DLG2: variants seen among roughly 807,000 people sequenced by gnomAD.
The protein encoded by DLG2 is discs large MAGUK scaffold protein 2.
DLG2 carries 45 observed loss-of-function variants against 132.5 expected under a neutral mutation model. That is an observed-to-expected ratio of 0.34 (90% CI 0.27 to 0.44). The LOEUF (loss-of-function observed/expected upper bound fraction) is 0.44, where lower values mean the gene tolerates loss of function less well. Ranked by LOEUF, DLG2 falls within the 20% of genes least tolerant of loss-of-function variation. The pLI is 1.00. For missense variants in DLG2, 1,045 were observed against 1,196.9 expected, an observed-to-expected ratio of 0.87 and a Z score of 1.87; for synonymous variants, 424 against 419.6, an observed-to-expected ratio of 1.01 and a Z score of -0.13.
intron 6 of DLG2, among the ~76,000 whole-genome samples, chr11:84,781,106 T>C (rs2071692224): frequency 6.7e-6 from 1 of 150,006 alleles, no homozygotes; most frequent in South Asian, 2.1e-4. Flanking sequence ...CTAAGTAATT[T>C]CAATCTAAGT....
chr11:84,777,274 T>G (rs1263921502), intron 6 of DLG2, among the ~76,000 whole-genome samples: 4 of 114,308 alleles, frequency 3.5e-5, no homozygotes, highest in African/African-American at 1.3e-4. Flanking sequence ...TATGTATATG[T>G]GTGTGTGTAT....
intron 6 of DLG2, among the ~76,000 whole-genome samples, chr11:84,695,580 T>G (rs1236742873): frequency 6.6e-6 from 1 of 151,550 alleles, no homozygotes; most frequent in Non-Finnish European, 1.5e-5. Context: ...AAGCATGGAA[T>G]GAGATTTGAA....
At chr11:85,130,297 C>T (rs1202652450) in intron 5 of DLG2, among the ~76,000 whole-genome samples, 1 of 152,112 alleles carries the variant, frequency 6.6e-6, no homozygotes, top group Admixed American at 6.6e-5. Context: ...TCCCTCTGCT[C>T]ATTAATCTTC....
chr11:84,412,349 A>G (rs1567565776), intron 7 of DLG2, among the ~76,000 whole-genome samples: 1 of 151,650 alleles, frequency 6.6e-6, no homozygotes, highest in Non-Finnish European at 1.5e-5. Flanking sequence ...AATACTATGT[A>G]CTTGATTTTA....
In DLG2 at chr11:84,830,934, G is replaced by A. The variant is rs527720083; in HGVS notation, c.357+280727C>T. Among the ~76,000 whole-genome samples, 52 of 148,646 alleles carry A rather than the reference G, an allele frequency of 3.5e-4. 1 individual carries two copies. The South Asian group carries it at 0.011, about 32-fold the overall frequency. On this transcript the variant is annotated intron_variant, in intron 6 of 27. Transcript: ENST00000376104. ...AAACTTATAACATTAAGCAAAGGAA[G>A]CAGTCTCTCTCTCTCCTCCCCCCAC...
At chr11:83,535,630 T>C (rs1376554151) in intron 20 of DLG2, among the ~76,000 whole-genome samples, 1 of 151,950 alleles carries the variant, frequency 6.6e-6, no homozygotes, top group East Asian at 1.9e-4. Context: ...TAGTTTATTA[T>C]TAATCTTCAA....
At chr11:84,832,350 A>G (rs867874207) in intron 6 of DLG2, among the ~76,000 whole-genome samples, 1 of 151,816 alleles carries the variant, frequency 6.6e-6, no homozygotes, top group African/African-American at 2.4e-5. Context: ...TTTGGGTTAA[A>G]GTACATTTTA....
chr11:84,938,456 A>C (rs1470096594), intron 6 of DLG2, among the ~76,000 whole-genome samples: 2 of 152,192 alleles, frequency 1.3e-5, no homozygotes, highest in African/African-American at 4.8e-5. Flanking sequence ...TGCCTTGATT[A>C]TAGATCACTA....
At chr11:84,421,742 C>T (rs1288332969) in intron 7 of DLG2, among the ~76,000 whole-genome samples, 1 of 152,204 alleles carries the variant, frequency 6.6e-6, no homozygotes, top group African/African-American at 2.4e-5. Flanking sequence ...AAAGTCACAT[C>T]TTCCCATTCC....
chr11:84,508,903 G>C lies in DLG2; in HGVS notation c.519+25667C>G, dbSNP rs80157030. 0.012 allele frequency among the ~76,000 whole-genome samples: 1,815 copies of C among 152,242 alleles called. 114 individuals carry two copies. The East Asian group carries it at 0.19, about 16-fold the overall frequency. ...GCTCAGTAAATGGTTATTGTTGACTGAACACAGGAATATGGACTATATGGA... is the reference window on the plus strand; with the variant it reads ...GCTCAGTAAATGGTTATTGTTGACTCAACACAGGAATATGGACTATATGGA... On this transcript the variant is annotated intron_variant, in intron 7 of 27. Transcript: ENST00000376104.
intron 10 of DLG2, among the ~76,000 whole-genome samples, chr11:84,062,622 A>G (rs2096608533): frequency 6.6e-6 from 1 of 152,222 alleles, no homozygotes; most frequent in Non-Finnish European, 1.5e-5. Context: ...GTGGAATTTT[A>G]CTGACAAGGT....
At chr11:85,137,592 T>A (rs1463073589) in intron 5 of DLG2, among the ~76,000 whole-genome samples, 1 of 152,096 alleles carries the variant, frequency 6.6e-6, no homozygotes, top group Non-Finnish European at 1.5e-5. Context: ...CAACCTGTGA[T>A]CCTCCTAAAA....
intron 3 of DLG2, among the ~76,000 whole-genome samples, chr11:85,419,321 G>A (rs1369997393): frequency 6.6e-6 from 1 of 152,128 alleles, no homozygotes; most frequent in East Asian, 1.9e-4. Context: ...TCCCTTTGTG[G>A]GTAACCCAAC....
At chr11:84,109,143 T>C (rs529396130) in intron 9 of DLG2, among the ~76,000 whole-genome samples, 1 of 152,258 alleles carries the variant, frequency 6.6e-6, no homozygotes, top group East Asian at 1.9e-4. Context: ...TAACACTCAT[T>C]TAGTGCTTGC....
At chr11:84,094,478 C>CATTT (rs1241825353) in intron 10 of DLG2, among the ~76,000 whole-genome samples, 10 of 152,054 alleles carry the variant, frequency 6.6e-5, no homozygotes, top group Admixed American at 6.5e-4. Flanking sequence ...TGTTATTTAA[C>CATTT]TGTCAAAAAT....
At chr11:85,141,911 T>C (rs1363034852) in intron 5 of DLG2, among the ~76,000 whole-genome samples, 2 of 151,950 alleles carry the variant, frequency 1.3e-5, no homozygotes, top group Non-Finnish European at 1.5e-5. Flanking sequence ...TCCATTGATC[T>C]ATGTGTCTGT....
chr11:85,067,900 C>T (rs11234281), intron 6 of DLG2, among the ~76,000 whole-genome samples: 35,375 of 151,894 alleles, frequency 0.23, 4,378 homozygotes, highest in Middle Eastern at 0.3. Flanking sequence ...CAAAAATCTC[C>T]AATAAAATAC....
chr11:85,616,068 G>T (rs1047613948), intron 2 of DLG2, among the ~76,000 whole-genome samples: 1 of 152,186 alleles, frequency 6.6e-6, no homozygotes, highest in Admixed American at 6.5e-5. Context: ...AAAATTTGAA[G>T]CTCTATCTGT....
chr11:83,790,218 T>C, intron 17 of DLG2: 1 of 902,560 alleles, frequency 1.1e-6, no homozygotes, highest in Non-Finnish European at 1.8e-6. Flanking sequence ...AGATCAACTA[T>C]GGATGTATGC....
Sources: allele counts gnomAD v4.1 joint callset (sites outside exome capture counted in the v4.1 genomes callset), GRCh38; gene constraint gnomAD v4.1.1; transcripts MANE v1.5; gene names NCBI Gene and HGNC (gene_info 2026-07-23, HGNC 2026-07-21).